Variants in MOB3C observed in about 807,000 individuals in gnomAD.
The protein encoded by MOB3C is MOB1, Mps One Binder kinase activator-like 2C.
Under a neutral mutation model 19.8 loss-of-function variants are expected in MOB3C, and 17 were observed. The ratio of observed to expected loss-of-function variants is 0.86; its 90% confidence interval spans 0.59 to 1.29. MOB3C has a LOEUF of 1.29. MOB3C is among the 50% of genes most tolerant of loss of function. The pLI, the probability that MOB3C is intolerant of heterozygous loss-of-function variation, is 0.00. For missense variants in MOB3C, 291 were observed against 301.9 expected (o/e 0.96, Z 0.27); for synonymous variants, 101 against 119.2 (o/e 0.85, Z 0.99).
chr1:46,609,687 G>A lies in MOB3C; in HGVS notation c.622-3C>T, dbSNP rs779573727. On this transcript the variant is annotated splice_region_variant and splice_polypyrimidine_tract_variant and intron_variant, in intron 3 of 3. Coordinates refer to ENST00000319928, the MANE Select transcript of MOB3C (RefSeq NM_201403.3). ...CAGATCCGCTCTGTCATCTCCCTCT[G>A]TAGAGACACAAGGTAGGGAGGGGTC... is the stretch of plus-strand genomic sequence containing the variant. The A allele has an allele frequency of 2.5e-6, 4 of 1,614,128 alleles. No individual in the cohort carries two copies. The highest frequency in any genetic ancestry group is 1.1e-5 in the South Asian group (1 of 91,082).
At position 46,611,167 on chromosome 1, in the gene MOB3C, T is replaced by C. The variant is rs1675465084; in HGVS notation, c.419-963A>G. 6.6e-6 allele frequency among the ~76,000 whole-genome samples: 1 copy of C among 152,240 alleles called. No homozygotes were observed. The highest frequency in any genetic ancestry group is 1.5e-5 in the Non-Finnish European group (1 of 68,048). On this transcript the variant is annotated intron_variant, in intron 2 of 3. Transcript: ENST00000319928. The surrounding 1 kb of genome is among the most constrained non-coding windows in gnomAD (Gnocchi z 4.1). ...AACAACACGAAGAACCTTCCATTTA[T>C]GAGCAAGGCCTTGTGCTGGGCCCTT...
At chr1:46,610,572 A>G (rs1675447439) in intron 2 of MOB3C, among the ~76,000 whole-genome samples, 1 of 152,102 alleles carries the variant, frequency 6.6e-6, no homozygotes, top group Non-Finnish European at 1.5e-5. Context: ...TAGTAGAGAC[A>G]GGGTTTCTCC....
At chr1:46,615,839 AAC>A (rs1220359637) in intron 1 of MOB3C, 2 of 152,854 alleles carry the variant, frequency 1.3e-5, no homozygotes, top group African/African-American at 2.4e-5. Flanking sequence ...TCCTGTCCCC[AAC>A]ACACTGACTC....
In MOB3C at chr1:46,613,287, T is replaced by G; in HGVS notation, c.35A>C (p.Asp12Ala). ...ALCLKQVFAK[D>A]KTFRPRKRFE... ...GCGCTTCCGCGGCCGGAACGTCTTG[T>G]CCTTGGCGAACACCTGCTTCAGGCA... Residue 12 changes from aspartate to alanine, a missense_variant, in exon 2 of 4, where the codon GAC becomes GCC. Coordinates refer to ENST00000319928, the MANE Select transcript of MOB3C (RefSeq NM_201403.3). 6.2e-7 allele frequency: 1 copy of G among 1,609,624 alleles called. No individual in the cohort carries two copies.
intron 1 of MOB3C, chr1:46,614,803 A>AT: frequency 1.7e-6 from 1 of 572,378 alleles, no homozygotes. Flanking sequence ...GGGGAGGGGT[A>AT]TTACTTCTGG....
Position 46,613,038 on chromosome 1 carries a change from C to CG in MOB3C, c.283dup (p.Arg95ProfsTer51). The CG allele has an allele frequency of 6.2e-7, 1 of 1,613,968 alleles. No homozygotes were observed. Among genetic ancestry groups the CG allele is most frequent in the East Asian group, 2.2e-5 (1 of 44,884 alleles). ...CTCGTCCTGCCAGCGGTACTCGTAG[C>CG]GGGGCCCGCCGGCCATGACCGGGCA... On this transcript the variant is annotated frameshift_variant, in exon 2 of 4. Transcript: ENST00000319928. LOFTEE classifies it high-confidence loss of function.
Position 46,613,233 on chromosome 1 carries a change from A to G in MOB3C, c.89T>C (p.Leu30Pro), listed in dbSNP as rs756563654. ...RFEPGTQRFE[L>P]YKKAQASLKS... ...GAGAGAGGCCTGTGCCTTCTTGTAC[A>G]GCTCAAAGCGCTGTGTGCCCGGCTC... The change falls in exon 2 of 4, where the codon CTG becomes CCG. Residue 30 changes from leucine (L) to proline (P), a missense_variant. Physicochemically the swap from Leu to Pro is moderately conservative, Grantham distance 98. Coordinates refer to ENST00000319928, the MANE Select transcript of MOB3C (RefSeq NM_201403.3). The G allele has an allele frequency of 1.2e-6, 2 of 1,614,118 alleles. No homozygotes were observed. The highest frequency in any genetic ancestry group is 1.7e-6 in the Non-Finnish European group (2 of 1,180,038).
At chr1:46,610,231 G>T in intron 2 of MOB3C, 27 bp from the exon 3 acceptor site, 1 of 1,609,230 alleles carries the variant, frequency 6.2e-7, no homozygotes, top group South Asian at 1.1e-5. Context: ...GGCAGAAGGG[G>T]ATCAGTATCC....
At chr1:46,612,674 G>A (rs4660945) in intron 2 of MOB3C, among the ~76,000 whole-genome samples, 5,864 of 105,986 alleles carry the variant, frequency 0.055, 170 homozygotes, top group Middle Eastern at 0.13. Flanking sequence ...AAAAAAAAAA[G>A]AAAGAAAGAA....
chr1:46,613,025 G>GCGGTACT lies in MOB3C; in HGVS notation c.290_296dup (p.Trp100ValfsTer48). 1.2e-6 allele frequency: 2 copies of GCGGTACT among 1,613,936 alleles called. No individual in the cohort carries two copies. The highest frequency in any genetic ancestry group is 1.7e-6 in the Non-Finnish European group (2 of 1,179,916). ...GCCGGTACTGGCGCTCGTCCTGCCA[G>GCGGTACT]CGGTACTCGTAGCGGGGCCCGCCGG... On this transcript the variant is annotated frameshift_variant, in exon 2 of 4. Coordinates refer to ENST00000319928, the MANE Select transcript of MOB3C (RefSeq NM_201403.3). LOFTEE classifies it high-confidence loss of function.
At position 46,610,050 on chromosome 1, in the gene MOB3C, G is replaced by A; in HGVS notation, c.573C>T (p.Tyr191=). 1.9e-6 allele frequency: 3 copies of A among 1,614,268 alleles called. No individual in the cohort carries two copies. Among genetic ancestry groups the A allele is most frequent in the Non-Finnish European group, 2.5e-6 (3 of 1,180,052 alleles). The part of the protein sequence containing the change: ...HVNTCYKHFY[Y]FIREFSLVDQ... ...CCACCAGACTGAACTCGCGGATGAA[G>A]TAGTAGAAGTGCTTGTAGCAGGTGT... Residue 191 remains tyrosine, a synonymous_variant, in exon 3 of 4, where the codon TAC becomes TAT. Coordinates refer to ENST00000319928, the MANE Select transcript of MOB3C (RefSeq NM_201403.3).
At position 46,611,401 on chromosome 1, in the gene MOB3C, C is replaced by G. The variant is rs1675468840; in HGVS notation, c.419-1197G>C. Reference sequence around the variant, plus strand: ...AGATATTGGGACCCATGAAAAAGGCCCCGCTTCTGCATAGTCCCCCATGCT... The same window carrying G: ...AGATATTGGGACCCATGAAAAAGGCGCCGCTTCTGCATAGTCCCCCATGCT... On this transcript the variant is annotated intron_variant, in intron 2 of 3. Coordinates refer to ENST00000319928, the MANE Select transcript of MOB3C (RefSeq NM_201403.3). The surrounding 1 kb of genome is among the most constrained non-coding windows in gnomAD (Gnocchi z 4.1). Among the ~76,000 whole-genome samples the G allele has an allele frequency of 1.3e-5, 2 of 152,176 alleles. No homozygotes were observed. Among genetic ancestry groups the G allele is most frequent in the Admixed American group, 1.3e-4 (2 of 15,280 alleles).
chr1:46,609,929 A>G (rs1675433607), intron 3 of MOB3C, 73 bp downstream of exon 3: 2 of 1,566,176 alleles, frequency 1.3e-6, no homozygotes, highest in Admixed American at 1.7e-5. Flanking sequence ...GAGTTACTTA[A>G]AGCAGGCAGC....
At chr1:46,612,346 A>G (rs536134509) in intron 2 of MOB3C, among the ~76,000 whole-genome samples, 1 of 152,278 alleles carries the variant, frequency 6.6e-6, no homozygotes, top group South Asian at 2.1e-4. Context: ...CTGTTCTGGA[A>G]GGTTCTGAGA....
Position 46,613,030 on chromosome 1 carries a change from A to ACTC in MOB3C, c.289_291dup (p.Glu97dup). On this transcript the variant is annotated inframe_insertion, in exon 2 of 4. Coordinates refer to ENST00000319928, the MANE Select transcript of MOB3C (RefSeq NM_201403.3). ...TACTGGCGCTCGTCCTGCCAGCGGT[A>ACTC]CTCGTAGCGGGGCCCGCCGGCCATG... 1 of 1,613,956 alleles carries ACTC rather than the reference A, an allele frequency of 6.2e-7. No individual in the cohort carries two copies. Among genetic ancestry groups the ACTC allele is most frequent in the Non-Finnish European group, 8.5e-7 (1 of 1,179,950 alleles).
At chr1:46,616,539 C>G (rs79038044) in intron 1 of MOB3C, 172 bp downstream of exon 1, 2 of 151,718 alleles carry the variant, frequency 1.3e-5, no homozygotes, top group Non-Finnish European at 2.9e-5. Context: ...CAATCCCCCC[C>G]GCAACTTTCG....
intron 1 of MOB3C, chr1:46,615,038 G>C: frequency 6.2e-7 from 1 of 1,613,142 alleles, no homozygotes; most frequent in Non-Finnish European, 8.5e-7. Flanking sequence ...CCCAGGGTGG[G>C]ACCCCAGTTT....
rs760544426 is a variant in MOB3C at position 46,613,091 on chromosome 1, A to G, written c.231T>C (p.Thr77=). 1 of 1,614,200 alleles carries G rather than the reference A, an allele frequency of 6.2e-7. No homozygotes were observed. The highest frequency in any genetic ancestry group is 1.1e-5 in the South Asian group (1 of 91,090). ...TGGTCTCACTGCAGCGCTCCGCCAT[A>G]GTGCCGTAGATGAGGTTGATGCGGT... ...FFNRINLIYG[T]MAERCSETSC... Residue 77 remains threonine, a synonymous_variant, in exon 2 of 4, where the codon ACT becomes ACC. Transcript: ENST00000319928.
At position 46,613,295 on chromosome 1, in the gene MOB3C, G is replaced by C. The variant is rs1675506014; in HGVS notation, c.27C>G (p.Phe9Leu). ...GCGGCCGGAACGTCTTGTCCTTGGC[G>C]AACACCTGCTTCAGGCACAGGGCCA... MALCLKQVFAKDKTFRPRK... is the reference protein window; with the variant it reads MALCLKQVLAKDKTFRPRK... The change falls in exon 2 of 4, where the codon TTC becomes TTG. Residue 9 changes from phenylalanine to leucine, a missense_variant. By Grantham distance (22) the Phe-to-Leu change is conservative. Transcript: ENST00000319928. The C allele has an allele frequency of 1.2e-6, 2 of 1,607,898 alleles. No homozygotes were observed. Among genetic ancestry groups the C allele is most frequent in the Admixed American group, 1.7e-5 (1 of 60,006 alleles).
Sources: gnomAD v4.1 joint callset for allele counts (sites outside exome capture counted in the v4.1 genomes callset) on GRCh38, gnomAD v4.1.1 for gene constraint, Gnocchi (gnomAD v3.1) non-coding constraint, MANE v1.5 for transcripts, NCBI Gene and HGNC (gene_info 2026-07-23, HGNC 2026-07-21) for gene names.